Variants in RIMS2 observed in about 807,000 individuals in gnomAD.
The protein encoded by RIMS2 is regulating synaptic membrane exocytosis 2, also known as regulating synaptic membrane exocytosis protein 2.
Under a neutral mutation model 174.4 loss-of-function variants are expected in RIMS2, and 59 were observed. That is an observed-to-expected ratio of 0.34 (90% CI 0.27 to 0.42). The LOEUF (loss-of-function observed/expected upper bound fraction) is 0.42. Among genes scored for constraint, RIMS2 ranks in the 10% least tolerant of loss-of-function variants. RIMS2 has a pLI of 1.00. For missense variants in RIMS2, 1,620 were observed against 1,666.3 expected, an observed-to-expected ratio of 0.97 and a Z score of 0.48; for synonymous variants, 606 against 572.5, an observed-to-expected ratio of 1.06 and a Z score of -0.84.
Position 104,173,715 on chromosome 8 carries a change from A to G in RIMS2, c.3335-71201A>G, listed in dbSNP as rs377736664. On this transcript the variant is annotated intron_variant, in intron 19 of 23. Coordinates refer to ENST00000504942, the Ensembl canonical transcript of RIMS2. ...GCGATCCTGGCTCACTGCAAGCTCCACCTCCCGGGTTCACGCCATTCTCCT... is the reference window on the plus strand; with the variant it reads ...GCGATCCTGGCTCACTGCAAGCTCCGCCTCCCGGGTTCACGCCATTCTCCT... 1.8e-3 allele frequency among the ~76,000 whole-genome samples: 216 copies of G among 123,030 alleles called. 4 individuals carry two copies. In the South Asian group the frequency reaches 0.051, roughly 29 times the overall value. 80.7% of individuals were successfully genotyped at this position (123,030 alleles called of 152,430 possible). A position where few individuals can be genotyped will look rare whatever the true frequency, so the allele number is the denominator to read the frequency against.
chr8:103,608,908 A>G (rs974976977), intron 1 of RIMS2, among the ~76,000 whole-genome samples: 3 of 152,206 alleles, frequency 2.0e-5, no homozygotes, highest in Admixed American at 6.5e-5. Flanking sequence ...CCCTAGTGAG[A>G]TGAACCTGGT....
At chr8:103,619,664 ACT>A (rs1464832010) in intron 1 of RIMS2, among the ~76,000 whole-genome samples, 1 of 152,126 alleles carries the variant, frequency 6.6e-6, no homozygotes, top group African/African-American at 2.4e-5. Context: ...AAAGACTTCT[ACT>A]CTCTGTGTAA....
chr8:104,188,921 G>A (rs548418599), intron 19 of RIMS2, among the ~76,000 whole-genome samples: 15 of 151,988 alleles, frequency 9.9e-5, no homozygotes, highest in African/African-American at 3.6e-4. Flanking sequence ...AGCATAACTA[G>A]CAGTCTTGTG....
intron 19 of RIMS2, among the ~76,000 whole-genome samples, chr8:104,064,310 A>AT (rs894923593): frequency 6.6e-6 from 1 of 151,926 alleles, no homozygotes; most frequent in African/African-American, 2.4e-5. Flanking sequence ...AAAATATTGG[A>AT]TTTTTTTTCG....
intron 3 of RIMS2, among the ~76,000 whole-genome samples, chr8:103,805,275 A>G (rs2098642710): frequency 6.6e-6 from 1 of 152,164 alleles, no homozygotes; most frequent in African/African-American, 2.4e-5. Flanking sequence ...ATAGCTCAAT[A>G]TATGATAAAT....
intron 17 of RIMS2, among the ~76,000 whole-genome samples, chr8:104,005,612 G>A (rs2095545994): frequency 6.6e-6 from 1 of 152,098 alleles, no homozygotes; most frequent in African/African-American, 2.4e-5. Flanking sequence ...AGATATCAGG[G>A]GGCAGTGGGG....
chr8:103,943,473 T>C (rs2083016926), intron 14 of RIMS2, among the ~76,000 whole-genome samples: 1 of 152,110 alleles, frequency 6.6e-6, no homozygotes, highest in Admixed American at 6.6e-5. Flanking sequence ...AAAAGGGAAA[T>C]AGTAATACCT....
intron 2 of RIMS2, among the ~76,000 whole-genome samples, chr8:103,757,709 T>G (rs898685004): frequency 1.5e-4 from 23 of 152,174 alleles, no homozygotes; most frequent in African/African-American, 5.1e-4. Flanking sequence ...ATAGGGAGAT[T>G]ATGCAGGTTG....
intron 19 of RIMS2, among the ~76,000 whole-genome samples, chr8:104,207,181 G>A (rs569388420): frequency 6.6e-6 from 1 of 152,230 alleles, no homozygotes; most frequent in African/African-American, 2.4e-5. Flanking sequence ...CTTGTTTTAA[G>A]ATGACTAATA....
intron 19 of RIMS2, among the ~76,000 whole-genome samples, chr8:104,040,773 AATTCAAT>A (rs1393972029): frequency 1.3e-5 from 2 of 151,746 alleles, no homozygotes; most frequent in African/African-American, 4.8e-5. Flanking sequence ...GTATTGAAAT[AATTCAAT>A]TAAATATTGG....
At chr8:103,506,434 T>C (rs574959686) in intron 1 of RIMS2, among the ~76,000 whole-genome samples, 44 of 152,242 alleles carry the variant, frequency 2.9e-4, no homozygotes, top group African/African-American at 1.0e-3. Flanking sequence ...ACGTTTTGCT[T>C]ATATTATTAA....
intron 11 of RIMS2, among the ~76,000 whole-genome samples, chr8:103,928,633 G>A (rs2079252649): frequency 6.6e-6 from 1 of 150,812 alleles, no homozygotes; most frequent in African/African-American, 2.4e-5. Flanking sequence ...TTGCTTCTGA[G>A]TAATACTTAT....
At chr8:103,825,928 AT>A (rs1226446188) in intron 3 of RIMS2, among the ~76,000 whole-genome samples, 1 of 152,100 alleles carries the variant, frequency 6.6e-6, no homozygotes, top group African/African-American at 2.4e-5. Context: ...GCTTTCCAAC[AT>A]TTGGTGATAT....
At chr8:104,172,074 G>GTATA in intron 19 of RIMS2, among the ~76,000 whole-genome samples, 1 of 152,208 alleles carries the variant, frequency 6.6e-6, no homozygotes, top group East Asian at 1.9e-4. Flanking sequence ...TATACTTTAT[G>GTATA]TACTTAATTT....
chr8:103,831,523 C>T (rs937676397), intron 3 of RIMS2, among the ~76,000 whole-genome samples: 7 of 152,158 alleles, frequency 4.6e-5, no homozygotes, highest in Non-Finnish European at 8.8e-5. Context: ...AATTGGCCTT[C>T]TCTGGACACA....
intron 19 of RIMS2, among the ~76,000 whole-genome samples, chr8:104,192,783 C>T (rs1350217327): frequency 6.6e-6 from 1 of 152,122 alleles, no homozygotes; most frequent in Non-Finnish European, 1.5e-5. Flanking sequence ...CTTCTTTCAA[C>T]AAATATTCCT....
chr8:103,758,160 C>T (rs899861971), intron 2 of RIMS2, among the ~76,000 whole-genome samples: 2 of 151,966 alleles, frequency 1.3e-5, no homozygotes, highest in African/African-American at 4.8e-5. Context: ...CTAGGACCTC[C>T]TGTCTTTCTC....
At chr8:104,072,193 G>A (rs1439906750) in intron 19 of RIMS2, among the ~76,000 whole-genome samples, 1 of 152,118 alleles carries the variant, frequency 6.6e-6, no homozygotes, top group African/African-American at 2.4e-5. Context: ...ATATGTCAAA[G>A]AGAAAGTTAC....
In RIMS2 at chr8:103,953,203, C is replaced by T. The variant is rs186594590; in HGVS notation, c.2702-7862C>T. Among the ~76,000 whole-genome samples, 420 of 152,098 alleles carry T rather than the reference C, an allele frequency of 2.8e-3. 5 individuals carry two copies. The highest frequency in any genetic ancestry group is 9.7e-3 in the African/African-American group (404 of 41,556). On this transcript the variant is annotated intron_variant, in intron 14 of 23. Transcript: ENST00000504942. ...TCAGGATATTATCCAGGAGAACTTC[C>T]CCAGCCTGGCAAGGCAGGCCAACAT...
Sources: gnomAD v4.1 joint callset for allele counts (sites outside exome capture counted in the v4.1 genomes callset) on GRCh38, gnomAD v4.1.1 for gene constraint, MANE v1.5 for transcripts, NCBI Gene and HGNC (gene_info 2026-07-23, HGNC 2026-07-21) for gene names.